OCLN: variants seen among roughly 807,000 people sequenced by gnomAD.
OCLN encodes occludin.
In OCLN, 21 loss-of-function variants were observed where a neutral mutation model predicts 47.9. That is an observed-to-expected ratio of 0.44 (90% CI 0.31 to 0.63). The LOEUF (loss-of-function observed/expected upper bound fraction) is 0.63. Ranked by LOEUF, OCLN falls within the 30% of genes least tolerant of loss-of-function variation. The probability of loss-of-function intolerance (pLI) is 0.08; values close to 1 mark genes in which losing one functional copy is unlikely to be tolerated. For synonymous variants in OCLN, 117 were observed against 198.4 expected (o/e 0.59, Z 3.45); for missense variants, 360 against 571.0 (o/e 0.63, Z 3.77).
intron 4 of OCLN, among the ~76,000 whole-genome samples, chr5:69,518,005 G>T (rs562466272): frequency 1.3e-5 from 2 of 152,142 alleles, no homozygotes; most frequent in Non-Finnish European, 2.9e-5. Flanking sequence ...CAACAAACCC[G>T]ACTCAAGGGA....
intron 4 of OCLN, among the ~76,000 whole-genome samples, chr5:69,531,981 T>C (rs1408989171): frequency 2.6e-5 from 4 of 152,174 alleles, no homozygotes; most frequent in East Asian, 1.9e-4. Flanking sequence ...ACCTCCAAAT[T>C]CTTGTAAAAA....
chr5:69,516,341 A>T (rs144853337), intron 4 of OCLN, among the ~76,000 whole-genome samples: 2,069 of 152,350 alleles, frequency 0.014, 23 homozygotes, highest in Non-Finnish European at 0.017. Flanking sequence ...CCAAAAAAAT[A>T]AGAAAACCAG....
intron 2 of OCLN, among the ~76,000 whole-genome samples, chr5:69,508,882 C>T (rs1326852192): frequency 6.6e-6 from 1 of 152,152 alleles, no homozygotes; most frequent in Admixed American, 6.5e-5. Flanking sequence ...CTGTTCCGTA[C>T]CAGAATACAC....
chr5:69,496,086 T>A (rs1023981256), intron 1 of OCLN, among the ~76,000 whole-genome samples: 5 of 152,136 alleles, frequency 3.3e-5, no homozygotes, highest in Non-Finnish European at 7.4e-5. Flanking sequence ...TCATTTAATA[T>A]AAGGCACAAC....
chr5:69,537,077 T>C (rs1380010847), intron 5 of OCLN, among the ~76,000 whole-genome samples: 1 of 149,532 alleles, frequency 6.7e-6, no homozygotes, highest in East Asian at 2.0e-4. Flanking sequence ...GGAGGGATCA[T>C]ACTTGAGCCC....
chr5:69,502,558 G>C (rs1273415218), intron 1 of OCLN: 1 of 152,098 alleles, frequency 6.6e-6, no homozygotes, highest in Non-Finnish European at 1.5e-5. Context: ...CTGCTCACAT[G>C]GAATTTACCT....
At chr5:69,523,388 C>T (rs1203387742) in intron 4 of OCLN, among the ~76,000 whole-genome samples, 4 of 152,036 alleles carry the variant, frequency 2.6e-5, no homozygotes, top group South Asian at 2.1e-4. Context: ...TTGATGTTTA[C>T]GTTAAATTTG....
chr5:69,508,641 G>A (rs1015444141), intron 2 of OCLN, among the ~76,000 whole-genome samples: 1 of 151,996 alleles, frequency 6.6e-6, no homozygotes, highest in Non-Finnish European at 1.5e-5. Context: ...GTGCCCAGCC[G>A]GACTAGATAC....
Position 69,519,006 on chromosome 5 carries a change from C to T in OCLN, c.891+4897C>T, listed in dbSNP as rs145358300. ...TTAAAAAATTAGCCGGACGTGGGCACAGGTGCCTGTAGTCCCAGCTGCTTG... is the reference window on the plus strand; with the variant it reads ...TTAAAAAATTAGCCGGACGTGGGCATAGGTGCCTGTAGTCCCAGCTGCTTG... On this transcript the variant is annotated intron_variant, in intron 4 of 8. Coordinates refer to ENST00000396442, the MANE Select transcript of OCLN (RefSeq NM_001205254.2). Among the ~76,000 whole-genome samples, 744 of 152,194 alleles carry T rather than the reference C, an allele frequency of 4.9e-3. 2 individuals carry two copies. Among genetic ancestry groups the T allele is most frequent in the Non-Finnish European group, 8.4e-3 (568 of 68,008 alleles).
chr5:69,547,276 T>G (rs1304365577), intron 6 of OCLN, among the ~76,000 whole-genome samples: 1 of 142,864 alleles, frequency 7.0e-6, no homozygotes, highest in African/African-American at 2.6e-5. Context: ...ATTCCAGTTT[T>G]AAGACTTTAA....
rs561270399 is a variant in OCLN at position 69,514,219 on chromosome 5, C to G, written c.891+110C>G. 1.8e-4 allele frequency: 178 copies of G among 1,011,638 alleles called. 2 individuals carry two copies. The African/African-American group carries it at 2.1e-3, about 12-fold the overall frequency. 62.7% of individuals were successfully genotyped at this position (1,011,638 alleles called of 1,614,324 possible). A position where few individuals can be genotyped will look rare whatever the true frequency, so the allele number is the denominator to read the frequency against. On this transcript the variant is annotated intron_variant, in intron 4 of 8. Transcript: ENST00000396442. ...TTAGAATTAATGTTTGTATATGTTG[C>G]AAAGGTTGTTGCATTGGTTTTTACT...
At chr5:69,498,073 A>C (rs1464064269) in intron 1 of OCLN, among the ~76,000 whole-genome samples, 1 of 151,678 alleles carries the variant, frequency 6.6e-6, no homozygotes, top group East Asian at 1.9e-4. Context: ...CGGAGCTTGC[A>C]GTGAGCCGAG....
chr5:69,519,522 C>T (rs564257753), intron 4 of OCLN, among the ~76,000 whole-genome samples: 4 of 152,182 alleles, frequency 2.6e-5, no homozygotes, highest in African/African-American at 7.2e-5. Context: ...CATGTTTGCA[C>T]GCTGCTTGGT....
intron 1 of OCLN, among the ~76,000 whole-genome samples, chr5:69,494,272 C>T (rs1768229688): frequency 6.6e-6 from 1 of 152,204 alleles, no homozygotes; most frequent in Non-Finnish European, 1.5e-5. Flanking sequence ...ACTGCAACCT[C>T]TGCCTCCCGG....
At chr5:69,519,873 C>T (rs1299608033) in intron 4 of OCLN, among the ~76,000 whole-genome samples, 1 of 152,166 alleles carries the variant, frequency 6.6e-6, no homozygotes, top group Non-Finnish European at 1.5e-5. Context: ...TGTTTTCCAT[C>T]TATGTTTAGT....
At chr5:69,503,887 A>G (rs1405888896) in intron 1 of OCLN, among the ~76,000 whole-genome samples, 1 of 152,190 alleles carries the variant, frequency 6.6e-6, no homozygotes, top group Non-Finnish European at 1.5e-5. Flanking sequence ...CTCATTTAAT[A>G]TGAACTTTCA....
Position 69,555,162 on chromosome 5 carries a change from C to G in OCLN, c.*1491C>G, listed in dbSNP as rs1409585550. On this transcript the variant is annotated 3_prime_UTR_variant, in exon 9 of 9. Transcript: ENST00000396442. ...TAGTGGCCAGGTTGGTCTTGAACTC[C>G]TGACCTTGTGGTCTGCCTGCCTCGG... 5 of 104,946 alleles carry G rather than the reference C, an allele frequency of 4.8e-5. No homozygotes were observed. The allele number at this position is 104,946 out of a possible 1,614,324, so 6.5% of individuals were successfully genotyped here.
At chr5:69,527,254 G>A (rs1014064863) in intron 4 of OCLN, among the ~76,000 whole-genome samples, 1 of 151,574 alleles carries the variant, frequency 6.6e-6, no homozygotes, top group Non-Finnish European at 1.5e-5. Flanking sequence ...TCCAGCCTGG[G>A]TAACAGAGTG....
intron 4 of OCLN, among the ~76,000 whole-genome samples, chr5:69,525,481 A>G (rs1342695104): frequency 6.6e-6 from 1 of 152,150 alleles, no homozygotes; most frequent in Non-Finnish European, 1.5e-5. Context: ...TGGTGGTGTT[A>G]GACTTTATAA....
Sources: allele counts gnomAD v4.1 joint callset (sites outside exome capture counted in the v4.1 genomes callset), GRCh38; gene constraint gnomAD v4.1.1; transcripts MANE v1.5; gene names NCBI Gene and HGNC (gene_info 2026-07-23, HGNC 2026-07-21).